XRN2: variants seen among roughly 807,000 people sequenced by gnomAD.
XRN2 encodes the protein 5'-3' exoribonuclease 2, also known as DHM1-like protein.
In XRN2, 44 loss-of-function variants were observed where a neutral mutation model predicts 138.5. That is an observed-to-expected ratio of 0.32 (90% CI 0.25 to 0.41). The LOEUF is 0.41. Ranked by LOEUF, XRN2 falls within the 10% of genes least tolerant of loss-of-function variation. The pLI, the probability that XRN2 is intolerant of heterozygous loss-of-function variation, is 1.00. For synonymous variants in XRN2, 354 were observed against 369.4 expected, an observed-to-expected ratio of 0.96 and a Z score of 0.48; for missense variants, 937 against 1,169.3, an observed-to-expected ratio of 0.80 and a Z score of 2.90.
intron 19 of XRN2, among the ~76,000 whole-genome samples, chr20:21,348,719 C>T (rs2038469387): frequency 6.6e-6 from 1 of 152,192 alleles, no homozygotes; most frequent in South Asian, 2.1e-4. Context: ...CATCGGCTCA[C>T]TACAAGCTCT....
chr20:21,311,910 A>G (rs1256395968), intron 1 of XRN2, among the ~76,000 whole-genome samples: 3 of 152,022 alleles, frequency 2.0e-5, no homozygotes, highest in Admixed American at 2.0e-4. Context: ...GCACAAAATC[A>G]CTTGATCCTG....
At chr20:21,371,926 G>A (rs2038767504) in intron 27 of XRN2, among the ~76,000 whole-genome samples, 1 of 152,180 alleles carries the variant, frequency 6.6e-6, no homozygotes, top group Admixed American at 6.5e-5. Context: ...AAATAATGGA[G>A]TCCCCTCTCT....
intron 4 of XRN2, among the ~76,000 whole-genome samples, chr20:21,329,677 C>T (rs4496388): frequency 0.68 from 103,149 of 151,988 alleles, 35,724 homozygotes; most frequent in South Asian, 0.84. Flanking sequence ...ATGAAATATA[C>T]TTGTTTCTTG....
At position 21,333,721 on chromosome 20, in the gene XRN2, C is replaced by T. The variant is rs1257774891; in HGVS notation, c.951C>T (p.Leu317=). 6.2e-7 allele frequency: 1 copy of T among 1,614,058 alleles called. No individual in the cohort carries two copies. The highest frequency in any genetic ancestry group is 1.7e-5 in the Admixed American group (1 of 60,010). ...GGTTGTAGTATTTGGAAAGAGAACT[C>T]ACAATGGCCAGCCTACCATTCACAT... ...NVLREYLERE[L]TMASLPFTFD... Residue 317 remains leucine, a synonymous_variant, in exon 11 of 30, where the codon CTC becomes CTT. Coordinates refer to ENST00000377191, the MANE Select transcript of XRN2 (RefSeq NM_012255.5).
chr20:21,365,281 A>G (rs1164924786), intron 24 of XRN2, 140 bp from the exon 25 acceptor site: 1 of 711,752 alleles, frequency 1.4e-6, no homozygotes, highest in Non-Finnish European at 2.3e-6. Flanking sequence ...TTGGTGAGGA[A>G]GACATTTAGC....
At chr20:21,311,915 A>G (rs2122164368) in intron 1 of XRN2, among the ~76,000 whole-genome samples, 1 of 152,130 alleles carries the variant, frequency 6.6e-6, no homozygotes, top group South Asian at 2.1e-4. Context: ...AAATCACTTG[A>G]TCCTGGGATA....
intron 24 of XRN2, among the ~76,000 whole-genome samples, chr20:21,362,284 A>G (rs532681711): frequency 2.6e-5 from 4 of 152,284 alleles, no homozygotes; most frequent in Admixed American, 2.6e-4. Flanking sequence ...TGTCTTATTA[A>G]ATCTCTTGTT....
intron 9 of XRN2, among the ~76,000 whole-genome samples, chr20:21,333,022 G>C (rs2038235268): frequency 6.6e-6 from 1 of 151,940 alleles, no homozygotes; most frequent in Non-Finnish European, 1.5e-5. Flanking sequence ...TTTTTGAGGG[G>C]GGAAAAAGAA....
chr20:21,376,030 G>A (rs2038818626), intron 27 of XRN2, among the ~76,000 whole-genome samples: 1 of 152,084 alleles, frequency 6.6e-6, no homozygotes, highest in African/African-American at 2.4e-5. Flanking sequence ...AGTAGAGACG[G>A]GGTTTCACCG....
At chr20:21,385,843 C>T (rs1478058377) in intron 28 of XRN2, among the ~76,000 whole-genome samples, 1 of 152,178 alleles carries the variant, frequency 6.6e-6, no homozygotes, top group Non-Finnish European at 1.5e-5. Context: ...TGATTACCAG[C>T]TAGTCAGCAC....
intron 22 of XRN2, 96 bp downstream of exon 22, chr20:21,356,273 G>T: frequency 1.0e-6 from 1 of 955,908 alleles, no homozygotes; most frequent in African/African-American, 1.7e-5. Flanking sequence ...ATTTTTAAGT[G>T]GTTATTCTGT....
chr20:21,350,980 CAG>C (rs1043487143), intron 20 of XRN2, among the ~76,000 whole-genome samples: 3 of 152,144 alleles, frequency 2.0e-5, no homozygotes, highest in Non-Finnish European at 2.9e-5. Context: ...TTGATTAAAG[CAG>C]AGAGAGAAGA....
intron 16 of XRN2, among the ~76,000 whole-genome samples, chr20:21,345,228 T>C (rs898465628): frequency 2.6e-5 from 4 of 152,218 alleles, no homozygotes; most frequent in African/African-American, 9.6e-5. Flanking sequence ...ATAGGTAACT[T>C]GATTTGTTTA....
chr20:21,312,561 C>A (rs1243560422), intron 1 of XRN2, among the ~76,000 whole-genome samples: 2 of 151,566 alleles, frequency 1.3e-5, no homozygotes, highest in African/African-American at 4.9e-5. Flanking sequence ...AATGCCTAAA[C>A]TCTAGAGAGC....
chr20:21,363,579 A>G (rs1353865683), intron 24 of XRN2, among the ~76,000 whole-genome samples: 1 of 152,218 alleles, frequency 6.6e-6, no homozygotes, highest in African/African-American at 2.4e-5. Flanking sequence ...TGTAAGAAGA[A>G]CTAGTTGAGT....
rs2038465362 is a variant in XRN2, at chr20:21,348,409, G to A, written c.1842G>A (p.Trp614Ter). Residue 614 changes from tryptophan to a stop codon, truncating the protein, a stop_gained, in exon 19 of 30, where the codon TGG becomes TGA. Coordinates refer to ENST00000377191, the MANE Select transcript of XRN2 (RefSeq NM_012255.5). LOFTEE classifies it high-confidence loss of function. ...GTGGTAATTTTCTACCTCCATCATG[G>A]CGGAAGCTCATGAGTGATCCTGTGA... ...AASGNFLPPS[W>*]RKLMSDPDSS... 1 of 1,613,922 alleles carries A rather than the reference G, an allele frequency of 6.2e-7. No homozygotes were observed. Among genetic ancestry groups the A allele is most frequent in the African/African-American group, 1.3e-5 (1 of 74,902 alleles).
intron 8 of XRN2, 138 bp from the exon 9 acceptor site, chr20:21,332,145 G>C: frequency 9.6e-7 from 1 of 1,041,262 alleles, no homozygotes; most frequent in Non-Finnish European, 1.4e-6. Context: ...ATGCCAGGAA[G>C]TGTCAAGCTT....
At chr20:21,328,505 GATTT>G (rs771461401) in intron 3 of XRN2, 50 bp from the exon 4 acceptor site, 3 of 1,513,586 alleles carry the variant, frequency 2.0e-6, no homozygotes, top group Non-Finnish European at 1.8e-6. Flanking sequence ...ATAAGGTACA[GATTT>G]ATTTGTGAAT....
At position 21,310,415 on chromosome 20, in the gene XRN2, CTT is replaced by C. The variant is rs555767466; in HGVS notation, c.75+6945_75+6946del. ...TGCTGCTGTGAAATTTTGACTATAA[CTT>C]TTGGATTTTTCTGTTTCTCCTTTCA... is the stretch of plus-strand genomic sequence containing the variant. On this transcript the variant is annotated intron_variant, in intron 1 of 29. Coordinates refer to ENST00000377191, the MANE Select transcript of XRN2 (RefSeq NM_012255.5). Among the ~76,000 whole-genome samples, 431 of 152,248 alleles carry C rather than the reference CTT, an allele frequency of 2.8e-3. 2 individuals are homozygous for C. Among genetic ancestry groups the C allele is most frequent in the African/African-American group, 0.01 (417 of 41,542 alleles).
Sources: gnomAD v4.1 joint callset for allele counts (sites outside exome capture counted in the v4.1 genomes callset) on GRCh38, gnomAD v4.1.1 for gene constraint, MANE v1.5 for transcripts, NCBI Gene and HGNC (gene_info 2026-07-23, HGNC 2026-07-21) for gene names.